ATXN1: variants seen among roughly 807,000 people sequenced by gnomAD.
ATXN1 encodes the protein ataxin 1.
In ATXN1, 8 loss-of-function variants were observed where a neutral mutation model predicts 56.4. That is an observed-to-expected ratio of 0.14 (90% CI 0.08 to 0.26). The LOEUF (loss-of-function observed/expected upper bound fraction) is 0.26. ATXN1 is among the 10% of genes least tolerant of loss of function. The pLI is 1.00. For synonymous variants in ATXN1, 514 were observed against 494.6 expected (o/e 1.04, Z -0.52); for missense variants, 987 against 1,106.5 (o/e 0.89, Z 1.53).
rs186715193 is a variant in ATXN1, at chr6:16,758,995, C to G, written c.-730+2303G>C. ...CATAAGCTTCACTCCAAAAAAAGCT[C>G]AAGTATCAAACTACCTTTACCCATC... On this transcript the variant is annotated intron_variant, in intron 1 of 7. Transcript: ENST00000436367. Among the ~76,000 whole-genome samples, 9 of 152,288 alleles carry G rather than the reference C, an allele frequency of 5.9e-5. No homozygotes were observed. In the East Asian group the frequency reaches 1.7e-3, roughly 29 times the overall value.
At chr6:16,315,393 C>T (rs1760485940) in intron 7 of ATXN1, among the ~76,000 whole-genome samples, 1 of 152,208 alleles carries the variant, frequency 6.6e-6, no homozygotes, top group Admixed American at 6.5e-5. Flanking sequence ...ACCTCCACCA[C>T]CTTTGTCCTG....
At chr6:16,513,534 T>C (rs1046351747) in intron 5 of ATXN1, among the ~76,000 whole-genome samples, 1 of 152,172 alleles carries the variant, frequency 6.6e-6, no homozygotes, top group Non-Finnish European at 1.5e-5. Context: ...CCGGAAAAGA[T>C]AGAGGCTTCC....
intron 4 of ATXN1, among the ~76,000 whole-genome samples, chr6:16,567,171 G>T (rs750071139): frequency 7.2e-5 from 11 of 152,166 alleles, no homozygotes; most frequent in South Asian, 4.1e-4. Context: ...AGGTGATCTG[G>T]AATCTATGAG....
At chr6:16,730,506 T>TATATATATATATATATATATATATAA (rs1367623215) in intron 2 of ATXN1, among the ~76,000 whole-genome samples, 7 of 147,124 alleles carry the variant, frequency 4.8e-5, no homozygotes, top group African/African-American at 9.9e-5. Context: ...TATATATATA[T>TATATATATATATATATATATATATAA]AAATGTATTT....
intron 4 of ATXN1, among the ~76,000 whole-genome samples, chr6:16,551,704 C>T (rs1761923189): frequency 2.0e-5 from 3 of 152,182 alleles, no homozygotes; most frequent in Non-Finnish European, 1.5e-5. Context: ...CGAGCCCTGA[C>T]CTCTCTTTCC....
chr6:16,338,324 T>A (rs1177590019), intron 6 of ATXN1, among the ~76,000 whole-genome samples: 1 of 151,756 alleles, frequency 6.6e-6, no homozygotes, highest in African/African-American at 2.4e-5. Context: ...AAATCCTGTC[T>A]CTACTAAAAA....
chr6:16,723,259 CT>C (rs1195655134), intron 2 of ATXN1, among the ~76,000 whole-genome samples: 3 of 152,142 alleles, frequency 2.0e-5, no homozygotes, highest in African/African-American at 7.2e-5. Flanking sequence ...ATTTTTCCTA[CT>C]TTTAAGTTTC....
chr6:16,388,111 C>T (rs1758277770), intron 6 of ATXN1, among the ~76,000 whole-genome samples: 1 of 152,186 alleles, frequency 6.6e-6, no homozygotes, highest in South Asian at 2.1e-4. Context: ...GCCTACTATG[C>T]ACAGGGGAGT....
At chr6:16,386,872 A>G (rs1417239347) in intron 6 of ATXN1, among the ~76,000 whole-genome samples, 1 of 152,104 alleles carries the variant, frequency 6.6e-6, no homozygotes, top group East Asian at 1.9e-4. Context: ...GGGTTTCACT[A>G]TGTTGCCCAG....
intron 4 of ATXN1, among the ~76,000 whole-genome samples, chr6:16,541,482 G>T (rs951483864): frequency 6.6e-6 from 1 of 152,154 alleles, no homozygotes; most frequent in African/African-American, 2.4e-5. Flanking sequence ...CTGGAAACAG[G>T]GCAACCTCTG....
rs533426691 is a variant in ATXN1 at position 16,466,069 on chromosome 6, C to A, written c.-161+19903G>T. Among the ~76,000 whole-genome samples, 344 of 152,268 alleles carry A rather than the reference C, an allele frequency of 2.3e-3. 3 individuals carry two copies. Among genetic ancestry groups the A allele is most frequent in the Middle Eastern group, 0.01 (3 of 292 alleles). On this transcript the variant is annotated intron_variant, in intron 6 of 7. Coordinates refer to ENST00000436367, the MANE Select transcript of ATXN1 (RefSeq NM_001128164.2). ...CGGTGGCTCATGCCTGTAATCCCAG[C>A]ACTTTGGGAGGCCAAGGCGGGTGGA...
chr6:16,492,850 A>G (rs951138629), intron 5 of ATXN1, among the ~76,000 whole-genome samples: 1 of 152,194 alleles, frequency 6.6e-6, no homozygotes, highest in Non-Finnish European at 1.5e-5. Flanking sequence ...GGATATATGC[A>G]GTGGAAACAA....
chr6:16,334,152 G>A (rs145718091), intron 6 of ATXN1, among the ~76,000 whole-genome samples: 2 of 152,254 alleles, frequency 1.3e-5, no homozygotes, highest in African/African-American at 4.8e-5. Context: ...ATCATATTTC[G>A]AAGTAACAGA....
intron 5 of ATXN1, among the ~76,000 whole-genome samples, chr6:16,491,903 G>A (rs111519888): frequency 3.2e-4 from 49 of 152,298 alleles, no homozygotes; most frequent in African/African-American, 1.1e-3. Context: ...CATATGGCAA[G>A]GAACTGAAGG....
chr6:16,418,331 C>T (rs9370893), intron 6 of ATXN1, among the ~76,000 whole-genome samples: 41,324 of 152,006 alleles, frequency 0.27, 5,702 homozygotes, highest in East Asian at 0.32. Flanking sequence ...TGCATTTGTA[C>T]AGAAATGGAA....
intron 2 of ATXN1, among the ~76,000 whole-genome samples, chr6:16,722,674 T>C (rs1354906328): frequency 6.6e-6 from 1 of 152,240 alleles, no homozygotes; most frequent in African/African-American, 2.4e-5. Context: ...TGTCAAATTA[T>C]AAAGTCTCTG....
intron 6 of ATXN1, among the ~76,000 whole-genome samples, chr6:16,435,065 C>T (rs957758743): frequency 1.3e-5 from 2 of 152,060 alleles, no homozygotes; most frequent in African/African-American, 4.8e-5. Context: ...GGAAGAGGGA[C>T]AGAAATGCTT....
chr6:16,496,522 G>A (rs1760784101), intron 5 of ATXN1, among the ~76,000 whole-genome samples: 1 of 152,154 alleles, frequency 6.6e-6, no homozygotes, highest in African/African-American at 2.4e-5. Context: ...CATGTCCACA[G>A]GCCTGTCTGA....
rs137996121 is a variant in ATXN1 at position 16,482,571 on chromosome 6, C to T, written c.-161+3401G>A. On this transcript the variant is annotated intron_variant, in intron 6 of 7. Coordinates refer to ENST00000436367, the MANE Select transcript of ATXN1 (RefSeq NM_001128164.2). ...TGAAATATGGATCACTTTCTCCTTG[C>T]TTAGACTCTAACCAATATTTGAGCA... Among the ~76,000 whole-genome samples, 546 of 152,274 alleles carry T rather than the reference C, an allele frequency of 3.6e-3. 4 individuals carry two copies. Among genetic ancestry groups the T allele is most frequent in the African/African-American group, 0.012 (496 of 41,556 alleles).
Sources: allele counts gnomAD v4.1 joint callset (sites outside exome capture counted in the v4.1 genomes callset), GRCh38; gene constraint gnomAD v4.1.1; transcripts MANE v1.5; gene names NCBI Gene and HGNC (gene_info 2026-07-23, HGNC 2026-07-21).